Variants in DLGAP1 observed in about 807,000 individuals in gnomAD.
DLGAP1 encodes disks large-associated protein 1.
DLGAP1 carries 11 observed loss-of-function variants against 90.8 expected under a neutral mutation model. The observed-to-expected ratio is 0.12, with a 90% confidence interval of 0.08 to 0.20. DLGAP1 has a LOEUF of 0.20. Among genes scored for constraint, DLGAP1 ranks in the 10% least tolerant of loss-of-function variants. The pLI is 1.00. For synonymous variants in DLGAP1, 558 were observed against 540.7 expected, an observed-to-expected ratio of 1.03 and a Z score of -0.44; for missense variants, 1,050 against 1,333.8, an observed-to-expected ratio of 0.79 and a Z score of 3.31.
chr18:3,665,835 C>A (rs1260675425), intron 7 of DLGAP1, among the ~76,000 whole-genome samples: 2 of 152,160 alleles, frequency 1.3e-5, no homozygotes, highest in African/African-American at 4.8e-5. Flanking sequence ...GATTTGTCCT[C>A]CCTCCCTGAG....
At chr18:4,439,746 G>T (rs2083485165) in intron 1 of DLGAP1, among the ~76,000 whole-genome samples, 1 of 151,614 alleles carries the variant, frequency 6.6e-6, no homozygotes, top group Admixed American at 6.6e-5. Context: ...AGGGTTCAAG[G>T]TTATGGTAAG....
At chr18:4,336,680 C>A (rs979131616) in intron 1 of DLGAP1, among the ~76,000 whole-genome samples, 1 of 152,156 alleles carries the variant, frequency 6.6e-6, no homozygotes, top group African/African-American at 2.4e-5. Context: ...ATCCACTCTA[C>A]TTTAATTAAT....
intron 4 of DLGAP1, among the ~76,000 whole-genome samples, chr18:3,839,939 A>G (rs1402260868): frequency 2.0e-5 from 3 of 152,320 alleles, no homozygotes; most frequent in South Asian, 4.1e-4. Flanking sequence ...ACCCTGAATC[A>G]CCAGGCATCA....
At chr18:3,836,673 G>C (rs2068404838) in intron 4 of DLGAP1, among the ~76,000 whole-genome samples, 1 of 152,204 alleles carries the variant, frequency 6.6e-6, no homozygotes, top group Admixed American at 6.5e-5. Context: ...GGCATCGCAA[G>C]GGTGGTGAGG....
At chr18:3,668,546 T>A (rs1268016172) in intron 7 of DLGAP1, among the ~76,000 whole-genome samples, 1 of 151,854 alleles carries the variant, frequency 6.6e-6, no homozygotes, top group Non-Finnish European at 1.5e-5. Flanking sequence ...GGGAAAAGTT[T>A]TTCATCTTCC....
chr18:4,408,535 A>T (rs1406437746), intron 1 of DLGAP1, among the ~76,000 whole-genome samples: 1 of 152,132 alleles, frequency 6.6e-6, no homozygotes, highest in East Asian at 1.9e-4. Flanking sequence ...AGATATAAAC[A>T]TGACGTTGGT....
chr18:4,353,941 G>A (rs897525255), intron 1 of DLGAP1, among the ~76,000 whole-genome samples: 7 of 152,214 alleles, frequency 4.6e-5, no homozygotes, highest in African/African-American at 9.6e-5. Flanking sequence ...AAATTTAACC[G>A]TAGAAGCTGA....
intron 1 of DLGAP1, among the ~76,000 whole-genome samples, chr18:4,191,871 G>A (rs1298072746): frequency 1.3e-5 from 2 of 152,118 alleles, no homozygotes; most frequent in African/African-American, 4.8e-5. Context: ...TCTTCTAATG[G>A]AATGAGAGTT....
At chr18:4,409,530 G>T (rs967531964) in intron 1 of DLGAP1, among the ~76,000 whole-genome samples, 3 of 152,054 alleles carry the variant, frequency 2.0e-5, no homozygotes, top group African/African-American at 7.2e-5. Flanking sequence ...AATTAATATC[G>T]ATGAGAGACA....
intron 2 of DLGAP1, among the ~76,000 whole-genome samples, chr18:4,147,134 A>G (rs2076597732): frequency 6.6e-6 from 1 of 152,222 alleles, no homozygotes; most frequent in African/African-American, 2.4e-5. Flanking sequence ...AATGTGAATA[A>G]ACATTCAAAT....
intron 1 of DLGAP1, among the ~76,000 whole-genome samples, chr18:4,343,225 T>C (rs1486647066): frequency 6.7e-6 from 1 of 149,830 alleles, no homozygotes; most frequent in African/African-American, 2.5e-5. Flanking sequence ...GAGAATGGCG[T>C]GAACCCAGGA....
intron 3 of DLGAP1, among the ~76,000 whole-genome samples, chr18:3,904,302 G>C (rs1026835185): frequency 2.0e-5 from 3 of 152,218 alleles, no homozygotes; most frequent in Non-Finnish European, 4.4e-5. Flanking sequence ...GTCTAGACGA[G>C]TTTTGATGGC....
At chr18:3,864,015 C>A (rs2070241214) in intron 4 of DLGAP1, among the ~76,000 whole-genome samples, 1 of 152,214 alleles carries the variant, frequency 6.6e-6, no homozygotes, top group Admixed American at 6.5e-5. Flanking sequence ...TTTCTACCAG[C>A]TGAGTGGTCA....
At chr18:4,098,514 T>A (rs1393732597) in intron 2 of DLGAP1, among the ~76,000 whole-genome samples, 2 of 151,958 alleles carry the variant, frequency 1.3e-5, no homozygotes, top group East Asian at 1.9e-4. Flanking sequence ...GGTGAAGAGT[T>A]AGGTAAAAGG....
intron 4 of DLGAP1, among the ~76,000 whole-genome samples, chr18:3,853,348 C>A (rs561401572): frequency 2.0e-4 from 31 of 152,088 alleles, no homozygotes; most frequent in African/African-American, 7.2e-4. Context: ...GGTCATGGGC[C>A]AAACGACATT....
At chr18:3,924,854 G>T (rs1198260291) in intron 3 of DLGAP1, among the ~76,000 whole-genome samples, 2 of 152,110 alleles carry the variant, frequency 1.3e-5, no homozygotes, top group Non-Finnish European at 2.9e-5. Flanking sequence ...GTACTTTATG[G>T]TGACATCTAA....
At chr18:4,015,997 C>T (rs527347581) in intron 2 of DLGAP1, among the ~76,000 whole-genome samples, 33 of 152,274 alleles carry the variant, frequency 2.2e-4, no homozygotes, top group African/African-American at 7.2e-4. Flanking sequence ...CAAAAGTTCT[C>T]CTTCCTTTGG....
chr18:4,331,511 C>T (rs1171284195), intron 1 of DLGAP1, among the ~76,000 whole-genome samples: 2 of 151,770 alleles, frequency 1.3e-5, no homozygotes, highest in African/African-American at 4.9e-5. Context: ...CTCTGTAACC[C>T]ACCTTCATGC....
intron 1 of DLGAP1, among the ~76,000 whole-genome samples, chr18:4,385,327 T>C (rs1485917360): frequency 6.6e-6 from 1 of 152,190 alleles, no homozygotes. Flanking sequence ...TTTGAGATCA[T>C]AGCTAGTGTA....
Sources: gnomAD v4.1 joint callset for allele counts (sites outside exome capture counted in the v4.1 genomes callset) on GRCh38, gnomAD v4.1.1 for gene constraint, MANE v1.5 for transcripts, NCBI Gene and HGNC (gene_info 2026-07-23, HGNC 2026-07-21) for gene names.